The following CFTR variants were observed in gnomAD, a reference collection of about 807,000 sequenced individuals.
The protein encoded by CFTR is cystic fibrosis transmembrane conductance regulator.
Under a neutral mutation model 171.6 loss-of-function variants are expected in CFTR, and 181 were observed. That is an observed-to-expected ratio of 1.05 (90% CI 0.93 to 1.19). The LOEUF (loss-of-function observed/expected upper bound fraction) is 1.19. Among genes scored for constraint, CFTR ranks in the 50% most tolerant of loss-of-function variants. The pLI is 0.00. For synonymous variants in CFTR, 583 were observed against 608.0 expected (o/e 0.96, Z 0.60); for missense variants, 1,968 against 1,734.7 (o/e 1.13, Z -2.39).
intron 23 of CFTR, 118 bp downstream of exon 23, chr7:117,642,711 G>T: frequency 1.8e-6 from 2 of 1,112,110 alleles, no homozygotes; most frequent in Non-Finnish European, 2.6e-6. Context: ...ATGCATTGCT[G>T]TCTTTTTTCT....
intron 3 of CFTR, among the ~76,000 whole-genome samples, chr7:117,511,110 G>C (rs945929355): frequency 5.3e-5 from 8 of 152,100 alleles, no homozygotes; most frequent in African/African-American, 1.9e-4. Flanking sequence ...CTAGTAACCA[G>C]CCTTGGTTCT....
At chr7:117,563,138 A>G (rs1433119828) in intron 11 of CFTR, among the ~76,000 whole-genome samples, 1 of 152,184 alleles carries the variant, frequency 6.6e-6, no homozygotes, top group African/African-American at 2.4e-5. Flanking sequence ...ATAGATTTTG[A>G]AAGCTGGCAG....
chr7:117,508,979 C>T (rs1798466489), intron 2 of CFTR, 55 bp from the exon 3 acceptor site: 39 of 1,060,570 alleles, frequency 3.7e-5, no homozygotes, highest in Non-Finnish European at 2.1e-5. Context: ...GGAAATAGGA[C>T]AACTAAAATA....
At chr7:117,626,059 A>G (rs532182931) in intron 21 of CFTR, among the ~76,000 whole-genome samples, 3 of 152,194 alleles carry the variant, frequency 2.0e-5, no homozygotes, top group African/African-American at 7.2e-5. Context: ...ACTTCAAAGG[A>G]TTATTTTCTT....
At chr7:117,533,876 A>G (rs1055510840) in intron 4 of CFTR, among the ~76,000 whole-genome samples, 2 of 152,164 alleles carry the variant, frequency 1.3e-5, no homozygotes, top group Admixed American at 6.6e-5. Flanking sequence ...AATTTTATTC[A>G]AAAGAGTTAG....
intron 11 of CFTR, among the ~76,000 whole-genome samples, chr7:117,561,419 CT>C (rs1799462195): frequency 6.6e-6 from 1 of 151,874 alleles, no homozygotes; most frequent in South Asian, 2.1e-4. Flanking sequence ...TATTTTTGGC[CT>C]CTTGAAAAGA....
chr7:117,665,950 CT>C (rs1793369798), intron 26 of CFTR, among the ~76,000 whole-genome samples: 1 of 152,172 alleles, frequency 6.6e-6, no homozygotes, highest in African/African-American at 2.4e-5. Context: ...GCCTAGTTGT[CT>C]TACAGTCTGA....
At chr7:117,598,987 T>C (rs1400743252) in intron 15 of CFTR, among the ~76,000 whole-genome samples, 2 of 152,198 alleles carry the variant, frequency 1.3e-5, no homozygotes, top group African/African-American at 2.4e-5. Flanking sequence ...AAACTTGAGA[T>C]AGTATGAGGT....
chr7:117,493,572 C>G (rs1798194306), intron 1 of CFTR, among the ~76,000 whole-genome samples: 1 of 151,942 alleles, frequency 6.6e-6, no homozygotes, highest in Admixed American at 6.6e-5. Context: ...CTATTGATCT[C>G]CCTCCCAGTG....
intron 3 of CFTR, among the ~76,000 whole-genome samples, chr7:117,530,591 A>T (rs1217290775): frequency 6.6e-6 from 1 of 152,202 alleles, no homozygotes; most frequent in Non-Finnish European, 1.5e-5. Flanking sequence ...GTTAAGTGCT[A>T]TGTAGATGTT....
At chr7:117,576,144 G>T (rs950137829) in intron 11 of CFTR, among the ~76,000 whole-genome samples, 2 of 151,982 alleles carry the variant, frequency 1.3e-5, no homozygotes, top group African/African-American at 4.8e-5. Flanking sequence ...TTTTTTAGTA[G>T]TCCCTCCTTC....
chr7:117,507,165 A>G (rs962864297), intron 2 of CFTR, among the ~76,000 whole-genome samples: 5 of 152,204 alleles, frequency 3.3e-5, no homozygotes, highest in African/African-American at 1.2e-4. Context: ...TGGTCCTACT[A>G]GAACCACATC....
intron 22 of CFTR, among the ~76,000 whole-genome samples, chr7:117,640,212 G>A (rs970730197): frequency 5.9e-5 from 9 of 151,968 alleles, no homozygotes; most frequent in East Asian, 3.9e-4. Context: ...AACAAATCCC[G>A]GAAACTAATT....
At chr7:117,573,910 C>T (rs1042882817) in intron 11 of CFTR, among the ~76,000 whole-genome samples, 1 of 152,076 alleles carries the variant, frequency 6.6e-6, no homozygotes, top group Non-Finnish European at 1.5e-5. Context: ...TTGTGGATAA[C>T]TCCAAGGGAA....
chr7:117,488,262 CTTTA>C (rs1319819420), intron 1 of CFTR, among the ~76,000 whole-genome samples: 4 of 151,928 alleles, frequency 2.6e-5, no homozygotes, highest in East Asian at 3.9e-4. Flanking sequence ...GCAAAATATT[CTTTA>C]TTTAAATTCT....
At chr7:117,549,148 A>G (rs1467775979) in intron 10 of CFTR, among the ~76,000 whole-genome samples, 3 of 152,368 alleles carry the variant, frequency 2.0e-5, no homozygotes, top group African/African-American at 7.2e-5. Flanking sequence ...TAACCAGAAC[A>G]GACATTTTTT....
In CFTR at chr7:117,590,439, G is replaced by C. The variant is rs397508300; in HGVS notation, c.1766G>C (p.Ser589Thr). 4 of 1,600,264 alleles carry C rather than the reference G, an allele frequency of 2.5e-6. No homozygotes were observed. ...DVLTEKEIFE[S>T]CVCKLMANKT... Reference sequence around the variant, plus strand: ...TTAACAGAAAAAGAAATATTTGAAAGGTATGTTCTTTGAATACCTTACTTA... The same window carrying C: ...TTAACAGAAAAAGAAATATTTGAAACGTATGTTCTTTGAATACCTTACTTA... The change falls in exon 13 of 27, where the codon AGC (serine) becomes ACC (threonine). Residue 589 changes from serine to threonine, a missense_variant and splice_region_variant. Transcript: ENST00000003084.
At chr7:117,661,793 C>A (rs717918) in intron 24 of CFTR, among the ~76,000 whole-genome samples, 1 of 151,990 alleles carries the variant, frequency 6.6e-6, no homozygotes, top group Non-Finnish European at 1.5e-5. Flanking sequence ...CTCTGGTAAT[C>A]CTTGTAACAA....
At position 117,608,404 on chromosome 7, in the gene CFTR, C is replaced by T. The variant is rs571566907; in HGVS notation, c.2988+1651C>T. The stretch of plus-strand genomic sequence containing the variant: ...ATTATTACTAGAGATGGGGTTTCAC[C>T]ACGTTGGCCAGGCTGGTCTTGAACT... On this transcript the variant is annotated intron_variant, in intron 18 of 26. Coordinates refer to ENST00000003084, the MANE Select transcript of CFTR (RefSeq NM_000492.4). 2.6e-5 allele frequency among the ~76,000 whole-genome samples: 4 copies of T among 152,184 alleles called. 1 individual carries two copies. The South Asian group carries it at 8.3e-4, about 32-fold the overall frequency.
Sources: gnomAD v4.1 joint callset for allele counts (sites outside exome capture counted in the v4.1 genomes callset) on GRCh38, gnomAD v4.1.1 for gene constraint, MANE v1.5 for transcripts, NCBI Gene and HGNC (gene_info 2026-07-23, HGNC 2026-07-21) for gene names.